Variants in LAMA5 observed in about 807,000 individuals in gnomAD.
LAMA5 encodes the protein laminin subunit alpha-5.
A neutral mutation model predicts 433.4 loss-of-function variants in LAMA5; 260 were observed. The observed-to-expected ratio is 0.60, with a 90% CI of 0.54 to 0.66. LAMA5 has a LOEUF of 0.66. Among genes scored for constraint, LAMA5 ranks in the 30% least tolerant of loss-of-function variants. The probability of loss-of-function intolerance (pLI) is 0.00; values close to 1 mark genes in which losing one functional copy is unlikely to be tolerated. For synonymous variants in LAMA5, 2,620 were observed against 2,226.6 expected, an observed-to-expected ratio of 1.18 and a Z score of -4.97; for missense variants, 5,378 against 5,258.5, an observed-to-expected ratio of 1.02 and a Z score of -0.70.
At chr20:62,322,784 C>A in intron 45 of LAMA5, 26 bp from the exon 46 acceptor site, 2 of 1,393,008 alleles carry the variant, frequency 1.4e-6, no homozygotes, top group Non-Finnish European at 1.9e-6. Flanking sequence ...GTGACTGCAG[C>A]CCTGGGCCCT....
intron 34 of LAMA5, 66 bp from the exon 35 acceptor site, chr20:62,328,511 T>G (rs536620191): frequency 3.5e-6 from 5 of 1,415,440 alleles, no homozygotes; most frequent in Non-Finnish European, 4.7e-6. Context: ...AGGCCCAGAA[T>G]GCAGCCCTAG....
rs759478901 is a variant in LAMA5, at chr20:62,347,047, G to T, written c.957-19C>A. 2.0e-5 allele frequency: 32 copies of T among 1,597,600 alleles called. No individual in the cohort carries two copies. In the South Asian group the frequency reaches 2.9e-4, roughly 14 times the overall value. ...CTGCAGCCTGTGGGGTACACAGGAG[G>T]GGGGATCAGGCCCATCCTGGAGGCA... On this transcript the variant is annotated intron_variant, in intron 6 of 79. Coordinates refer to ENST00000252999, the MANE Select transcript of LAMA5 (RefSeq NM_005560.6).
intron 1 of LAMA5, among the ~76,000 whole-genome samples, chr20:62,366,497 CT>C (rs1779048123): frequency 6.6e-6 from 1 of 152,208 alleles, no homozygotes; most frequent in African/African-American, 2.4e-5. Context: ...CCGAGAGGGG[CT>C]AGTGGGAGCC....
At chr20:62,322,637 C>CACCCAG (rs1292041964) in intron 46 of LAMA5, 21 bp downstream of exon 46, 2 of 1,464,230 alleles carry the variant, frequency 1.4e-6, no homozygotes, top group Non-Finnish European at 1.9e-6. Flanking sequence ...CCACCCAGCC[C>CACCCAG]TGCTTACCCC....
chr20:62,330,802 G>T lies in LAMA5; in HGVS notation c.3793C>A (p.Pro1265Thr), dbSNP rs374518895. 5 of 1,558,956 alleles carry T rather than the reference G, an allele frequency of 3.2e-6. No individual in the cohort carries two copies. In the East Asian group the frequency reaches 1.2e-4, roughly 37 times the overall value. The change falls in exon 30 of 80, where the codon CCT becomes ACT. Residue 1265 changes from proline to threonine, a missense_variant. Coordinates refer to ENST00000252999, the MANE Select transcript of LAMA5 (RefSeq NM_005560.6). ...TPAMSPAGPR[P>T]RPPTAVDPDA... ...GGGTCCACAGCGGTGGGGGGCCGAG[G>T]TCGGGGTCCAGCTGGGGACATGGCT...
In LAMA5 at chr20:62,328,360, C is replaced by A; in HGVS notation, c.4533G>T (p.Leu1511=). 2 of 1,591,520 alleles carry A rather than the reference C, an allele frequency of 1.3e-6. No homozygotes were observed. Among genetic ancestry groups the A allele is most frequent in the Non-Finnish European group, 1.7e-6 (2 of 1,169,214 alleles). The part of the protein sequence containing the change: ...PPRTIPPDCL[L]CQPQTFGCHP... The stretch of plus-strand genomic sequence containing the variant: ...GGCAGCCAAAGGTCTGGGGCTGGCA[C>A]AGCAGGCAGTCGGGCGGGATGGTGC... Residue 1511 remains leucine (L), a synonymous_variant, in exon 35 of 80, where the codon CTG becomes CTT. Coordinates refer to ENST00000252999, the MANE Select transcript of LAMA5 (RefSeq NM_005560.6).
Position 62,337,865 on chromosome 20 carries a change from G to A in LAMA5, c.1965C>T (p.Gly655=). The A allele has an allele frequency of 6.2e-7, 1 of 1,612,686 alleles. No individual in the cohort carries two copies. The highest frequency in any genetic ancestry group is 2.2e-5 in the East Asian group (1 of 44,884). The change falls in exon 15 of 80, where the codon GGC becomes GGT. Residue 655 remains glycine (G), a synonymous_variant. Coordinates refer to ENST00000252999, the MANE Select transcript of LAMA5 (RefSeq NM_005560.6). ...GAGGLCRCRP[G]YTGTACQECS... ...ATTCCTGGCAGGCAGTGCCTGTGTAGCCGGGGCGGCAGCGGCACAAACCTC... is the reference window on the plus strand; with the variant it reads ...ATTCCTGGCAGGCAGTGCCTGTGTAACCGGGGCGGCAGCGGCACAAACCTC...
At chr20:62,322,226 T>C in intron 47 of LAMA5, 43 bp downstream of exon 47, 1 of 1,561,778 alleles carries the variant, frequency 6.4e-7, no homozygotes, top group Non-Finnish European at 8.7e-7. Flanking sequence ...CGTACCCCAC[T>C]CAGAAGTCCC....
intron 26 of LAMA5, 63 bp downstream of exon 26, chr20:62,333,026 AC>A: frequency 7.1e-7 from 1 of 1,407,970 alleles, no homozygotes. Flanking sequence ...CCGCCACAGG[AC>A]CCCCAGCCCC....
In LAMA5 at chr20:62,312,277, G is replaced by T. The variant is rs527675374; in HGVS notation, c.9400C>A (p.Arg3134Ser). Reference protein sequence around the residue: ...AMTFHGHGFLRLALSNVAPLT... With the variant: ...AMTFHGHGFLSLALSNVAPLT... ...GGTGCCACGTTCGAGAGCGCCAGGC[G>T]AAGGAAGCCGTGGCCATGGAAAGTC... Residue 3134 changes from arginine (R) to serine (S), a missense_variant, in exon 69 of 80, where the codon CGC becomes AGC. Physicochemically the swap from Arg to Ser is moderately radical, Grantham distance 110. Coordinates refer to ENST00000252999, the MANE Select transcript of LAMA5 (RefSeq NM_005560.6). 1.2e-6 allele frequency: 2 copies of T among 1,611,128 alleles called. No individual in the cohort carries two copies. Among genetic ancestry groups the T allele is most frequent in the Non-Finnish European group, 1.7e-6 (2 of 1,179,496 alleles).
At chr20:62,323,215 G>A (rs192325130) in intron 45 of LAMA5, among the ~76,000 whole-genome samples, 1,932 of 152,010 alleles carry the variant, frequency 0.013, 47 homozygotes, top group African/African-American at 0.044. Context: ...TGATGGTCCG[G>A]GGGAGGCCTG....
At chr20:62,317,311 T>A in intron 55 of LAMA5, 34 bp downstream of exon 55, 2 of 1,565,330 alleles carry the variant, frequency 1.3e-6, no homozygotes, top group Non-Finnish European at 1.7e-6. Flanking sequence ...ATCCCCAGGG[T>A]GGGCCCAGGG....
Position 62,309,636 on chromosome 20 carries a change from G to GGGTGGGGGGGTGGGAGGGGGT in LAMA5, c.10948+79_10948+80insACCCCCTCCCACCCCCCCACC, listed in dbSNP as rs1985954024. 8.1e-5 allele frequency: 37 copies of GGGTGGGGGGGTGGGAGGGGGT among 458,360 alleles called. 1 individual carries two copies. Among genetic ancestry groups the GGGTGGGGGGGTGGGAGGGGGT allele is most frequent in the South Asian group, 7.0e-4 (26 of 37,298 alleles). The allele number at this position is 458,360 out of a possible 1,614,324, so 28.4% of individuals were successfully genotyped here. On this transcript the variant is annotated intron_variant, in intron 79 of 79. Transcript: ENST00000252999. Reference sequence around the variant, plus strand: ...GGGTGGGAGGGGGCAGGGGGTGGAGGGGTGGGGGGAGGGTGGTAGGTTACG... The same window carrying GGGTGGGGGGGTGGGAGGGGGT: ...GGGTGGGAGGGGGCAGGGGGTGGAGGGGTGGGGGGGTGGGAGGGGGTGGTGGGGGGAGGGTGGTAGGTTACG...
intron 31 of LAMA5, 151 bp from the exon 32 acceptor site, chr20:62,330,067 GGCCCC>G: frequency 8.7e-6 from 10 of 1,146,940 alleles, no homozygotes; most frequent in Non-Finnish European, 1.2e-5. Context: ...CTGCAAGGCC[GGCCCC>G]TCATGTCACG....
At chr20:62,316,813 C>T (rs200219459) in intron 56 of LAMA5, 40 bp from the exon 57 acceptor site, 11 of 1,564,672 alleles carry the variant, frequency 7.0e-6, no homozygotes, top group Middle Eastern at 1.9e-4. Flanking sequence ...GACACGCAGG[C>T]CGGGGCTGCG....
At chr20:62,355,908 G>A (rs993127618) in intron 2 of LAMA5, among the ~76,000 whole-genome samples, 3 of 152,124 alleles carry the variant, frequency 2.0e-5, no homozygotes, top group African/African-American at 7.2e-5. Context: ...CAAAGGCTCC[G>A]AAGGAGACTA....
rs1981113245 is a variant in LAMA5 at position 62,334,280 on chromosome 20, G to A, written c.2645C>T (p.Ala882Val). 6.2e-7 allele frequency: 1 copy of A among 1,612,166 alleles called. No homozygotes were observed. The highest frequency in any genetic ancestry group is 8.5e-7 in the Non-Finnish European group (1 of 1,179,602). The change falls in exon 22 of 80, where the codon GCC becomes GTC. Residue 882 changes from alanine to valine, a missense_variant. Ala to Val is a moderately conservative substitution (Grantham distance 64). Coordinates refer to ENST00000252999, the MANE Select transcript of LAMA5 (RefSeq NM_005560.6). The part of the protein sequence containing the change: ...HHLRLELEEA[A>V]TPEGHAVRFG... The stretch of plus-strand genomic sequence containing the variant: ...GCGCACGGCGTGACCCTCAGGTGTG[G>A]CAGCCTCCTCCAGCTCCAGGCGCAG...
intron 11 of LAMA5, among the ~76,000 whole-genome samples, chr20:62,342,625 G>A (rs1271106711): frequency 6.6e-6 from 1 of 152,108 alleles, no homozygotes; most frequent in Non-Finnish European, 1.5e-5. Flanking sequence ...CTTGCAGTGA[G>A]CCGAGATCGT....
Position 62,313,758 on chromosome 20 carries a change from A to T in LAMA5, c.8549T>A (p.Met2850Lys). The change falls in exon 63 of 80, where the codon ATG becomes AAG. Residue 2850 changes from methionine to lysine, a missense_variant. Coordinates refer to ENST00000252999, the MANE Select transcript of LAMA5 (RefSeq NM_005560.6). ...CGTGTCACCCTTGGTTTCCTGGATCATCTGTCTCTCCACTGTGACGGACAT... is the reference window on the plus strand; with the variant it reads ...CGTGTCACCCTTGGTTTCCTGGATCTTCTGTCTCTCCACTGTGACGGACAT... ...GHMSVTVERQ[M>K]IQETKGDTVA... 6.2e-7 allele frequency: 1 copy of T among 1,612,900 alleles called. No homozygotes were observed. The highest frequency in any genetic ancestry group is 8.5e-7 in the Non-Finnish European group (1 of 1,179,974).
Sources: gnomAD v4.1 joint callset for allele counts (sites outside exome capture counted in the v4.1 genomes callset) on GRCh38, gnomAD v4.1.1 for gene constraint, MANE v1.5 for transcripts, NCBI Gene and HGNC (gene_info 2026-07-23, HGNC 2026-07-21) for gene names.